The following VBP1 variants were observed in gnomAD, a reference collection of about 807,000 sequenced individuals.
VBP1 encodes the protein prefoldin subunit 3.
VBP1 carries 4 observed loss-of-function variants against 15.5 expected under a neutral mutation model. The ratio of observed to expected loss-of-function variants is 0.26; its 90% CI spans 0.13 to 0.59. The LOEUF (loss-of-function observed/expected upper bound fraction) is 0.59. Among genes scored for constraint, VBP1 ranks in the 20% least tolerant of loss-of-function variants. The pLI, the probability that VBP1 is intolerant of heterozygous loss-of-function variation, is 0.90. For missense variants in VBP1, 108 were observed against 139.6 expected (o/e 0.77, Z 1.14); for synonymous variants, 61 against 52.1 (o/e 1.17, Z -0.74).
At chrX:155,208,919 A>G in exon 2 of VBP1, 1 of 1,155,113 alleles carries the variant, frequency 8.7e-7, no homozygotes, top group Non-Finnish European at 1.1e-6. Flanking sequence ...ACCTCAACCC[A>G]TGATTCATAC....
rs1181483449 is a variant in VBP1 at position 155,239,105 on chromosome X, C to G, written c.*263C>G. On this transcript the variant is annotated 3_prime_UTR_variant, in exon 6 of 6. Coordinates refer to ENST00000286428, the MANE Select transcript of VBP1 (RefSeq NM_003372.7). ...TAAGAAAACTCTTAGCTGAAATGGCCGAAAACTGTGAGACATGCTATGGAA... is the reference window on the plus strand; with the variant it reads ...TAAGAAAACTCTTAGCTGAAATGGCGGAAAACTGTGAGACATGCTATGGAA... 1 of 234,107 alleles carries G rather than the reference C, an allele frequency of 4.3e-6. No homozygotes were observed. The highest frequency in any genetic ancestry group is 8.7e-5 in the East Asian group (1 of 11,524). 19.3% of individuals were successfully genotyped at this position (234,107 alleles called of 1,213,427 possible).
chrX:155,208,030 TA>T (rs2074631901), intron 1 of VBP1, among the ~76,000 whole-genome samples: 1 of 111,985 alleles, frequency 8.9e-6, no homozygotes, highest in Non-Finnish European at 1.9e-5. Flanking sequence ...TGTTCTTAAG[TA>T]AGCCCATATT....
chrX:155,211,696 C>T (rs782082778), upstream of VBP1, among the ~76,000 whole-genome samples: 3 of 112,396 alleles, frequency 2.7e-5, no homozygotes, highest in Non-Finnish European at 5.6e-5. Context: ...CTGAGCCAGA[C>T]TGAATGCTCT....
At chrX:155,236,397 A>G in intron 5 of VBP1, 30 bp downstream of exon 5, 1 of 1,177,328 alleles carries the variant, frequency 8.5e-7, no homozygotes, top group South Asian at 1.9e-5. Context: ...AAAGCAAGGG[A>G]AAAAAGGAGA....
At chrX:155,238,286 A>G (rs782622128) in intron 5 of VBP1, among the ~76,000 whole-genome samples, 55 of 112,216 alleles carry the variant, frequency 4.9e-4, no homozygotes, top group Non-Finnish European at 8.6e-4. Flanking sequence ...CACCTGTCTT[A>G]TTCAGGTCAG....
At chrX:155,210,548 G>C (rs2074641270) in intron 2 of VBP1, among the ~76,000 whole-genome samples, 1 of 111,659 alleles carries the variant, frequency 9.0e-6, no homozygotes, top group African/African-American at 3.3e-5. Context: ...CTTCATACCA[G>C]GTGTTCTTCA....
At chrX:155,226,153 G>A (rs781858217) in intron 2 of VBP1, among the ~76,000 whole-genome samples, 1 of 112,017 alleles carries the variant, frequency 8.9e-6, no homozygotes, top group African/African-American at 3.2e-5. Context: ...AATTACATTT[G>A]ACAGAGACCC....
intron 4 of VBP1, among the ~76,000 whole-genome samples, chrX:155,233,501 C>G (rs2074756762): frequency 8.9e-6 from 1 of 112,256 alleles, no homozygotes; most frequent in Non-Finnish European, 1.9e-5. Flanking sequence ...TTAGGCCTAC[C>G]TAGGCAGTCT....
At chrX:155,198,135 G>A (rs1416009014) in intron 1 of VBP1, among the ~76,000 whole-genome samples, 1 of 112,868 alleles carries the variant, frequency 8.9e-6, no homozygotes, top group African/African-American at 3.2e-5. Flanking sequence ...GCCCACCACA[G>A]CTCAAGGAGG....
chrX:155,217,254 G>A (rs959236042), intron 1 of VBP1, among the ~76,000 whole-genome samples: 2 of 112,284 alleles, frequency 1.8e-5, no homozygotes, highest in African/African-American at 6.5e-5. Context: ...GATGGCGCTA[G>A]GTCCCAGGTT....
chrX:155,202,515 A>C (rs1183474241), intron 1 of VBP1, among the ~76,000 whole-genome samples: 10 of 110,220 alleles, frequency 9.1e-5, no homozygotes, highest in African/African-American at 2.3e-4. Flanking sequence ...GGAAAGGATT[A>C]CCTATTTAAT....
intron 1 of VBP1, among the ~76,000 whole-genome samples, chrX:155,202,675 T>C (rs1365734852): frequency 9.4e-6 from 1 of 106,761 alleles, no homozygotes; most frequent in Admixed American, 1.0e-4. Flanking sequence ...ACCTAGGCAT[T>C]ACCATTCAGG....
At chrX:155,213,388 C>T (rs1295580167), upstream of VBP1, 1 of 111,933 alleles carries the variant, frequency 8.9e-6, no homozygotes, top group Non-Finnish European at 1.9e-5. Flanking sequence ...ATTTCAGAGG[C>T]TTGTGGAGAT....
intron 1 of VBP1, among the ~76,000 whole-genome samples, chrX:155,198,381 C>T (rs1416532977): frequency 9.0e-6 from 1 of 111,636 alleles, no homozygotes; most frequent in Non-Finnish European, 1.9e-5. Flanking sequence ...AGACTGACAC[C>T]TCACACGGCG....
At chrX:155,220,384 T>C (rs1394986420) in intron 2 of VBP1, 77 bp downstream of exon 2, 2 of 878,888 alleles carry the variant, frequency 2.3e-6, no homozygotes, top group Non-Finnish European at 3.0e-6. Flanking sequence ...AATTTACATA[T>C]AATAAAATAT....
chrX:155,229,489 C>T (rs2074735711), intron 4 of VBP1, among the ~76,000 whole-genome samples: 1 of 111,838 alleles, frequency 8.9e-6, no homozygotes, highest in African/African-American at 3.3e-5. Context: ...TGCATATGTT[C>T]GATCTCCTTT....
chrX:155,216,386 T>C (rs1486706318), upstream of VBP1: 1 of 1,132,507 alleles, frequency 8.8e-7, no homozygotes, highest in Non-Finnish European at 1.2e-6. Flanking sequence ...TGAATGTGCA[T>C]GGAGATGGAG....
chrX:155,229,010 C>T (rs782280186), intron 4 of VBP1, among the ~76,000 whole-genome samples: 17 of 111,849 alleles, frequency 1.5e-4, no homozygotes, highest in Non-Finnish European at 2.6e-4. Context: ...CTATTTTGCT[C>T]TTCTCAGTCC....
At position 155,236,286 on chromosome X, in the gene VBP1, T is replaced by G. The variant is rs782059103; in HGVS notation, c.442T>G (p.Leu148Val). The G allele has an allele frequency of 8.3e-7, 1 of 1,211,121 alleles. No individual in the cohort carries two copies. Among genetic ancestry groups the G allele is most frequent in the East Asian group, 3.0e-5 (1 of 33,839 alleles). Residue 148 changes from leucine to valine, a missense_variant, in exon 5 of 6, where the codon TTA becomes GTA. Transcript: ENST00000286428. ...AGCTCAGGCATTGTTGGAAAAGAATTTATCGACTGCCACAAAGAATCTTGA... is the reference window on the plus strand; with the variant it reads ...AGCTCAGGCATTGTTGGAAAAGAATGTATCGACTGCCACAAAGAATCTTGA... ...DEAQALLEKN[L>V]STATKNLDSL...
Sources: gnomAD v4.1 joint callset for allele counts (sites outside exome capture counted in the v4.1 genomes callset) on GRCh38, gnomAD v4.1.1 for gene constraint, MANE v1.5 for transcripts, NCBI Gene and HGNC (gene_info 2026-07-23, HGNC 2026-07-21) for gene names.